Variants in MAP4K3 observed in about 807,000 individuals in gnomAD.
MAP4K3 encodes MAPK/ERK kinase kinase kinase 3.
In MAP4K3, 94 loss-of-function variants were observed where a neutral mutation model predicts 143.5. That is an observed-to-expected ratio of 0.65 (90% confidence interval 0.55 to 0.78). The LOEUF is 0.78. Among genes scored for constraint, MAP4K3 ranks in the 30% least tolerant of loss-of-function variants. The probability of loss-of-function intolerance (pLI) is 0.00; values close to 1 mark genes in which losing one functional copy is unlikely to be tolerated. For synonymous variants in MAP4K3, 416 were observed against 347.2 expected (o/e 1.20, Z -2.20); for missense variants, 1,077 against 1,068.1 (o/e 1.01, Z -0.12).
chr2:39,345,720 C>G (rs1041936191), intron 3 of MAP4K3, among the ~76,000 whole-genome samples: 3 of 151,842 alleles, frequency 2.0e-5, no homozygotes, highest in African/African-American at 4.8e-5. Flanking sequence ...GAGATCGAGA[C>G]CATCCTGGCT....
intron 12 of MAP4K3, among the ~76,000 whole-genome samples, chr2:39,320,331 C>T (rs1032230928): frequency 2.0e-5 from 3 of 152,116 alleles, no homozygotes; most frequent in Admixed American, 6.6e-5. Context: ...TGAAATAATG[C>T]TAAAGGCATT....
intron 1 of MAP4K3, among the ~76,000 whole-genome samples, chr2:39,407,764 T>C (rs533497998): frequency 1.3e-5 from 2 of 152,224 alleles, no homozygotes; most frequent in African/African-American, 2.4e-5. Flanking sequence ...TTTATAGACA[T>C]GGGGTCTCAC....
rs201022792 is a variant in MAP4K3 at position 39,342,032 on chromosome 2, T to TGATC, written c.310+1352_310+1355dup. Among the ~76,000 whole-genome samples the TGATC allele has an allele frequency of 2.0e-4, 30 of 151,874 alleles. No homozygotes were observed. The East Asian group carries it at 3.5e-3, about 18-fold the overall frequency. Reference sequence around the variant, plus strand: ...GACCCCACACCCACACCAACAAGAGTGATCACACATGAGTCACACCTTCAT... The same window carrying TGATC: ...GACCCCACACCCACACCAACAAGAGTGATCGATCACACATGAGTCACACCTTCAT... On this transcript the variant is annotated intron_variant, in intron 4 of 33. Coordinates refer to ENST00000263881, the MANE Select transcript of MAP4K3 (RefSeq NM_003618.4).
intron 1 of MAP4K3, among the ~76,000 whole-genome samples, chr2:39,394,714 G>A (rs1267875334): frequency 6.6e-6 from 1 of 152,130 alleles, no homozygotes; most frequent in Admixed American, 6.5e-5. Flanking sequence ...ACCAGATTAT[G>A]GAGAAACGAA....
intron 1 of MAP4K3, among the ~76,000 whole-genome samples, chr2:39,412,842 A>G (rs1667268062): frequency 6.6e-6 from 1 of 152,250 alleles, no homozygotes; most frequent in African/African-American, 2.4e-5. Flanking sequence ...AAGATTAAAA[A>G]AAAAACCTTA....
intron 1 of MAP4K3, among the ~76,000 whole-genome samples, chr2:39,385,379 A>G (rs1461972033): frequency 6.6e-6 from 1 of 151,902 alleles, no homozygotes; most frequent in Non-Finnish European, 1.5e-5. Flanking sequence ...CCATCCTAAT[A>G]GGTAGGTAAA....
intron 12 of MAP4K3, among the ~76,000 whole-genome samples, chr2:39,324,000 A>G (rs1021922043): frequency 6.6e-6 from 1 of 152,190 alleles, no homozygotes; most frequent in African/African-American, 2.4e-5. Context: ...TTATGCAGTC[A>G]TTTTTACAGT....
At chr2:39,418,161 AC>A (rs2148625056) in intron 1 of MAP4K3, among the ~76,000 whole-genome samples, 1 of 150,672 alleles carries the variant, frequency 6.6e-6, no homozygotes, top group East Asian at 2.0e-4. Flanking sequence ...CAGAGACTGC[AC>A]CACTGCACTC....
intron 29 of MAP4K3, among the ~76,000 whole-genome samples, chr2:39,259,778 G>A (rs1680491552): frequency 3.3e-5 from 5 of 151,900 alleles, no homozygotes; most frequent in Admixed American, 3.3e-4. Flanking sequence ...TTTGTTTGAA[G>A]AAAAAAAGTG....
chr2:39,307,778 T>C (rs1018972432), intron 15 of MAP4K3, among the ~76,000 whole-genome samples, 165 bp downstream of exon 15: 33 of 152,140 alleles, frequency 2.2e-4, no homozygotes, highest in Non-Finnish European at 4.4e-4. Context: ...TATATATATG[T>C]AACTTGTTAT....
At chr2:39,300,904 C>T (rs1274325654) in intron 15 of MAP4K3, among the ~76,000 whole-genome samples, 1 of 152,240 alleles carries the variant, frequency 6.6e-6, no homozygotes, top group South Asian at 2.1e-4. Flanking sequence ...TCTTTCCTTA[C>T]AGCCTACGGT....
At chr2:39,305,058 A>T (rs1682652089) in intron 15 of MAP4K3, among the ~76,000 whole-genome samples, 1 of 152,220 alleles carries the variant, frequency 6.6e-6, no homozygotes, top group Non-Finnish European at 1.5e-5. Flanking sequence ...CTGGAGGGAA[A>T]AAGGAATGGG....
intron 28 of MAP4K3, among the ~76,000 whole-genome samples, chr2:39,262,535 T>A (rs551691113): frequency 2.0e-5 from 3 of 152,192 alleles, no homozygotes; most frequent in African/African-American, 7.2e-5. Context: ...TTTAAACTTT[T>A]ACAGTTTAAA....
Position 39,373,816 on chromosome 2 carries a change from T to C in MAP4K3, c.154+4250A>G, listed in dbSNP as rs540235466. Among the ~76,000 whole-genome samples the C allele has an allele frequency of 2.6e-5, 4 of 151,938 alleles. No homozygotes were observed. The South Asian group carries it at 6.2e-4, about 24-fold the overall frequency. On this transcript the variant is annotated intron_variant, in intron 2 of 33. Transcript: ENST00000263881. ...AAGCTTACAGGGCTTGGTGGGGGGG[T>C]AGAAGGGATTTGGAGATGGTTAATT...
chr2:39,340,369 G>A (rs1468295336), intron 4 of MAP4K3, among the ~76,000 whole-genome samples: 1 of 152,218 alleles, frequency 6.6e-6, no homozygotes, highest in African/African-American at 2.4e-5. Flanking sequence ...CACAGAGAAA[G>A]ATAGGATTTG....
intron 4 of MAP4K3, among the ~76,000 whole-genome samples, chr2:39,338,861 C>T (rs1357823918): frequency 2.0e-5 from 3 of 152,168 alleles, no homozygotes; most frequent in Non-Finnish European, 4.4e-5. Context: ...GAAATGGGTC[C>T]TTGCCAGACA....
chr2:39,369,356 A>C (rs1311145058), intron 2 of MAP4K3, among the ~76,000 whole-genome samples: 1 of 151,816 alleles, frequency 6.6e-6, no homozygotes. Context: ...CCACCAAGCC[A>C]GGCTGATCGT....
chr2:39,295,970 T>C (rs1000819750), intron 16 of MAP4K3, among the ~76,000 whole-genome samples: 4 of 152,140 alleles, frequency 2.6e-5, no homozygotes, highest in African/African-American at 9.7e-5. Flanking sequence ...CCACCCGCCT[T>C]GGCTTCCCAG....
chr2:39,267,935 CTT>C, intron 26 of MAP4K3, among the ~76,000 whole-genome samples: 1 of 152,232 alleles, frequency 6.6e-6, no homozygotes, highest in African/African-American at 2.4e-5. Flanking sequence ...GAATTAGTAA[CTT>C]TGGTTTACCA....
Sources: gnomAD v4.1 joint callset for allele counts (sites outside exome capture counted in the v4.1 genomes callset) on GRCh38, gnomAD v4.1.1 for gene constraint, MANE v1.5 for transcripts, NCBI Gene and HGNC (gene_info 2026-07-23, HGNC 2026-07-21) for gene names.